The following CPNE4 variants were observed in gnomAD, a reference collection of about 807,000 sequenced individuals.
The protein encoded by CPNE4 is copine 4.
In CPNE4, 25 loss-of-function variants were observed where a neutral mutation model predicts 67.9. The ratio of observed to expected loss-of-function variants is 0.37; its 90% confidence interval spans 0.27 to 0.51. The LOEUF (loss-of-function observed/expected upper bound fraction) is 0.51. Ranked by LOEUF, CPNE4 falls within the 20% of genes least tolerant of loss-of-function variation. The probability of loss-of-function intolerance (pLI) is 0.93; values close to 1 mark genes in which losing one functional copy is unlikely to be tolerated. For missense variants in CPNE4, 464 were observed against 690.8 expected, an observed-to-expected ratio of 0.67 and a Z score of 3.68; for synonymous variants, 242 against 244.9, an observed-to-expected ratio of 0.99 and a Z score of 0.11.
intron 2 of CPNE4, among the ~76,000 whole-genome samples, chr3:131,779,487 CAT>C (rs1367242689): frequency 6.6e-6 from 1 of 151,984 alleles, no homozygotes; most frequent in Non-Finnish European, 1.5e-5. Context: ...AAAAAAGACA[CAT>C]AGACCAATAG....
chr3:132,006,768 C>T (rs1272782466), intron 1 of CPNE4, among the ~76,000 whole-genome samples: 3 of 151,794 alleles, frequency 2.0e-5, no homozygotes, highest in Non-Finnish European at 4.4e-5. Flanking sequence ...TCCAAGGTCA[C>T]AATGGGGCAT....
intron 10 of CPNE4, among the ~76,000 whole-genome samples, chr3:131,566,417 A>G (rs1937058499): frequency 6.6e-6 from 1 of 150,766 alleles, no homozygotes; most frequent in Non-Finnish European, 1.5e-5. Flanking sequence ...TGAAGGTGAG[A>G]GCCAACCCAC....
At chr3:131,591,948 T>C (rs1938555767) in intron 7 of CPNE4, among the ~76,000 whole-genome samples, 1 of 152,172 alleles carries the variant, frequency 6.6e-6, no homozygotes, top group Non-Finnish European at 1.5e-5. Context: ...ACCTCAAAAC[T>C]ATCACAAGCC....
At position 131,921,509 on chromosome 3, in the gene CPNE4, G is replaced by A. The variant is rs112136827; in HGVS notation, c.-1-16065C>T. On this transcript the variant is annotated intron_variant, in intron 1 of 15. Coordinates refer to ENST00000429747, the MANE Select transcript of CPNE4 (RefSeq NM_130808.3). Reference sequence around the variant, plus strand: ...AAACTTTCAGAGTGATCAAGTACATGAAATATTTATTCAAGGAAGGAACTA... The same window carrying A: ...AAACTTTCAGAGTGATCAAGTACATAAAATATTTATTCAAGGAAGGAACTA... Among the ~76,000 whole-genome samples, 1,181 of 152,272 alleles carry A rather than the reference G, an allele frequency of 7.8e-3. 9 individuals are homozygous for A. Among genetic ancestry groups the A allele is most frequent in the Non-Finnish European group, 0.013 (911 of 68,022 alleles).
In CPNE4 at chr3:131,770,905, A is replaced by G. The variant is rs1486688484; in HGVS notation, c.181-47280T>C. On this transcript the variant is annotated intron_variant, in intron 2 of 15. Transcript: ENST00000429747. ...TGTGCTAGAGTTGTGTGCCTGAAAA[A>G]TATGGAGACATTACATATCTTTTCA... 2.0e-5 allele frequency among the ~76,000 whole-genome samples: 3 copies of G among 152,318 alleles called. No individual in the cohort carries two copies. In the East Asian group the frequency reaches 5.8e-4, roughly 29 times the overall value.
At chr3:131,765,102 A>T (rs1481702727) in intron 2 of CPNE4, among the ~76,000 whole-genome samples, 2 of 152,114 alleles carry the variant, frequency 1.3e-5, no homozygotes, top group South Asian at 2.1e-4. Context: ...TGAATAGTGG[A>T]AAGAGTAAAC....
rs1204788119 is a variant in CPNE4 at position 131,906,404 on chromosome 3, C to A, written c.-1-960G>T. ...ATCTCCTAATGCTATCCCTCCCCCC[C>A]TCCCCCCACCCCACAACAGTCCCCA... On this transcript the variant is annotated intron_variant, in intron 1 of 15. Coordinates refer to ENST00000429747, the MANE Select transcript of CPNE4 (RefSeq NM_130808.3). Among the ~76,000 whole-genome samples the A allele has an allele frequency of 9.6e-5, 12 of 124,702 alleles. No individual in the cohort carries two copies. The East Asian group carries it at 1.7e-3, about 18-fold the overall frequency. The allele number at this position is 124,702 out of a possible 152,430, so 81.8% of individuals were successfully genotyped here.
At chr3:131,858,708 C>G (rs949016888) in intron 2 of CPNE4, among the ~76,000 whole-genome samples, 2 of 152,066 alleles carry the variant, frequency 1.3e-5, no homozygotes, top group African/African-American at 4.8e-5. Context: ...GTGCCTAAAC[C>G]ATTACATAGT....
At chr3:131,679,890 G>A (rs1293820661) in intron 6 of CPNE4, among the ~76,000 whole-genome samples, 1 of 152,158 alleles carries the variant, frequency 6.6e-6, no homozygotes, top group East Asian at 1.9e-4. Context: ...GTGGTGAGAA[G>A]AATGTATATT....
chr3:131,599,300 C>T (rs1433824596), intron 7 of CPNE4, among the ~76,000 whole-genome samples: 1 of 152,062 alleles, frequency 6.6e-6, no homozygotes, highest in Non-Finnish European at 1.5e-5. Flanking sequence ...TAGATTTTGG[C>T]CAGTTGTGTA....
At chr3:131,956,546 G>A (rs1176054113) in intron 1 of CPNE4, among the ~76,000 whole-genome samples, 1 of 151,806 alleles carries the variant, frequency 6.6e-6, no homozygotes, top group East Asian at 1.9e-4. Context: ...TTCTACTTTT[G>A]TGTAGTTTTT....
At chr3:131,902,432 C>T (rs1399773221) in intron 2 of CPNE4, among the ~76,000 whole-genome samples, 1 of 152,046 alleles carries the variant, frequency 6.6e-6, no homozygotes, top group African/African-American at 2.4e-5. Context: ...TGTAGGAACT[C>T]ATCCAAAAAG....
chr3:131,985,051 G>C (rs895832503), intron 1 of CPNE4, among the ~76,000 whole-genome samples: 4 of 152,250 alleles, frequency 2.6e-5, no homozygotes, highest in Admixed American at 2.0e-4. Flanking sequence ...CAAAGTTCTG[G>C]ATACTGAGAG....
chr3:131,653,259 C>T (rs1298249183), intron 7 of CPNE4, among the ~76,000 whole-genome samples: 1 of 151,816 alleles, frequency 6.6e-6, no homozygotes, highest in Non-Finnish European at 1.5e-5. Flanking sequence ...GTTCTCCTGC[C>T]TCAGCCTCCT....
intron 2 of CPNE4, among the ~76,000 whole-genome samples, chr3:131,772,354 G>A (rs2083189315): frequency 1.3e-5 from 2 of 152,160 alleles, no homozygotes; most frequent in South Asian, 4.1e-4. Context: ...AGGAACTACA[G>A]AGTGAGATCT....
At chr3:131,694,149 T>C (rs1195768034) in intron 5 of CPNE4, among the ~76,000 whole-genome samples, 3 of 152,144 alleles carry the variant, frequency 2.0e-5, no homozygotes, top group Non-Finnish European at 4.4e-5. Flanking sequence ...ACTTCAATTT[T>C]TAAGTGTATG....
chr3:132,027,281 C>T (rs1030121468), intron 1 of CPNE4, among the ~76,000 whole-genome samples: 1 of 152,098 alleles, frequency 6.6e-6, no homozygotes, highest in African/African-American at 2.4e-5. Context: ...TGTAACTAGG[C>T]CACCAACGAG....
intron 1 of CPNE4, among the ~76,000 whole-genome samples, chr3:131,928,476 T>C (rs961628782): frequency 1.3e-5 from 2 of 152,158 alleles, no homozygotes; most frequent in Non-Finnish European, 2.9e-5. Context: ...TGACCCCCAA[T>C]GCCTTTTTTT....
chr3:131,601,149 G>A (rs1376356862), intron 7 of CPNE4, among the ~76,000 whole-genome samples: 1 of 152,046 alleles, frequency 6.6e-6, no homozygotes, highest in South Asian at 2.1e-4. Flanking sequence ...TGTTTCACTG[G>A]ACAACTAGGT....
Sources: allele counts gnomAD v4.1 joint callset (sites outside exome capture counted in the v4.1 genomes callset), GRCh38; gene constraint gnomAD v4.1.1; transcripts MANE v1.5; gene names NCBI Gene and HGNC (gene_info 2026-07-23, HGNC 2026-07-21).